The following SAP30BP variants were observed in gnomAD, a reference collection of about 807,000 sequenced individuals.
SAP30BP encodes the protein SAP30 binding protein.
Under a neutral mutation model 46.3 loss-of-function variants are expected in SAP30BP, and 31 were observed. That is an observed-to-expected ratio of 0.67 (90% confidence interval 0.50 to 0.90). The LOEUF is 0.90. Ranked by LOEUF, SAP30BP falls within the 40% of genes least tolerant of loss-of-function variation. The pLI, the probability that SAP30BP is intolerant of heterozygous loss-of-function variation, is 0.00. For synonymous variants in SAP30BP, 169 were observed against 144.2 expected (o/e 1.17, Z -1.23); for missense variants, 312 against 391.0 (o/e 0.80, Z 1.70).
rs754296844 is a variant in SAP30BP at position 75,706,332 on chromosome 17, A to G, written c.746-8A>G. On this transcript the variant is annotated splice_region_variant and splice_polypyrimidine_tract_variant and intron_variant, in intron 10 of 10. Transcript: ENST00000584667. The surrounding 1 kb of genome is among the most constrained non-coding windows in gnomAD (Gnocchi z 4.6). ...GGATCGTGATCCTGATTTCTGCTTT[A>G]TCTCCAGATGCTCAGAAGAGAAAGA... is the stretch of plus-strand genomic sequence containing the variant. 9.3e-6 allele frequency: 15 copies of G among 1,611,476 alleles called. No individual in the cohort carries two copies. The highest frequency in any genetic ancestry group is 1.3e-5 in the Non-Finnish European group (15 of 1,179,246).
chr17:75,686,642 G>A (rs191074973), intron 3 of SAP30BP, among the ~76,000 whole-genome samples: 48 of 152,294 alleles, frequency 3.2e-4, no homozygotes, highest in African/African-American at 1.1e-3. Flanking sequence ...ACCAACTTCC[G>A]CCCATTTTTC....
chr17:75,703,507 T>C (rs2060446593), intron 7 of SAP30BP, 136 bp downstream of exon 7: 1 of 740,648 alleles, frequency 1.4e-6, no homozygotes, highest in African/African-American at 1.8e-5. Flanking sequence ...CTGTCTCTTT[T>C]GTTTGAGTCC....
rs2060508040 is a variant in SAP30BP, at chr17:75,707,077, C to T, written c.*556C>T. On this transcript the variant is annotated 3_prime_UTR_variant, in exon 11 of 11. Coordinates refer to ENST00000584667, the MANE Select transcript of SAP30BP (RefSeq NM_013260.8). ...CCCTTGAGTGCACTTGAGCACTCCC[C>T]AGACCAGATCACTTTTTGGACACAC... 6.3e-6 allele frequency: 1 copy of T among 158,536 alleles called. No individual in the cohort carries two copies. The highest frequency in any genetic ancestry group is 1.4e-5 in the Non-Finnish European group (1 of 71,394). 9.8% of individuals were successfully genotyped at this position (158,536 alleles called of 1,614,324 possible).
intron 3 of SAP30BP, among the ~76,000 whole-genome samples, chr17:75,686,243 C>T (rs1428474956): frequency 3.9e-5 from 6 of 151,932 alleles, no homozygotes; most frequent in Non-Finnish European, 8.8e-5. Flanking sequence ...TGGGGCCGGG[C>T]GCAGTGGCTC....
In SAP30BP at chr17:75,667,429, G is replaced by A. The variant is rs759470868; in HGVS notation, c.57G>A (p.Glu19=). The A allele has an allele frequency of 3.3e-5, 53 of 1,614,100 alleles. No homozygotes were observed. Among genetic ancestry groups the A allele is most frequent in the Non-Finnish European group, 4.1e-5 (48 of 1,180,044 alleles). ...SSLAVYAEDS[E]PESDGEAGIE... ...TCGCAGTTTACGCGGAAGATTCAGA[G>A]CCCGAGTCTGATGGCGAGGCTGGAA... is the stretch of plus-strand genomic sequence containing the variant. Residue 19 remains glutamate, a synonymous_variant, in exon 1 of 11, where the codon GAG becomes GAA. Transcript: ENST00000584667.
chr17:75,683,519 AG>A (rs1412592315), intron 3 of SAP30BP: 2 of 152,198 alleles, frequency 1.3e-5, no homozygotes, highest in African/African-American at 4.8e-5. Flanking sequence ...AGTTAAATCC[AG>A]AAATAAGCAC....
chr17:75,677,493 C>T (rs927932176), intron 3 of SAP30BP, among the ~76,000 whole-genome samples: 1 of 142,538 alleles, frequency 7.0e-6, no homozygotes, highest in Admixed American at 7.4e-5. Context: ...AGTGCAGTGG[C>T]GCAATCTCAG....
At chr17:75,681,899 C>T (rs2060081347) in intron 3 of SAP30BP, among the ~76,000 whole-genome samples, 1 of 152,058 alleles carries the variant, frequency 6.6e-6, no homozygotes, top group African/African-American at 2.4e-5. Flanking sequence ...GAGATAGGAG[C>T]CCCGAGTCCT....
chr17:75,690,965 A>G (rs1229973572), intron 3 of SAP30BP, among the ~76,000 whole-genome samples: 1 of 152,136 alleles, frequency 6.6e-6, no homozygotes, highest in African/African-American at 2.4e-5. Context: ...AGGCTACTTC[A>G]TGCATTTGGT....
chr17:75,672,147 T>C lies in SAP30BP; in HGVS notation c.264+284T>C, dbSNP rs541341054. The C allele has an allele frequency of 4.2e-4, 178 of 426,654 alleles. No individual in the cohort carries two copies. In the Middle Eastern group the frequency reaches 5.5e-3, roughly 13 times the overall value. The allele number at this position is 426,654 out of a possible 1,614,324, so 26.4% of individuals were successfully genotyped here. On this transcript the variant is annotated intron_variant, in intron 3 of 10. Transcript: ENST00000584667. ...GCCAACAACCCACTTGCATTCTGCA[T>C]CCCAGATGGGGCTTTAAGTGTCACT...
intron 3 of SAP30BP, chr17:75,672,265 C>G (rs1182665527): frequency 1.0e-5 from 2 of 198,604 alleles, no homozygotes; most frequent in Admixed American, 1.0e-4. Context: ...TAGAAGTGAA[C>G]AAGAGGCTAT....
chr17:75,680,047 C>T (rs1425409685), intron 3 of SAP30BP: 1 of 152,230 alleles, frequency 6.6e-6, no homozygotes, highest in African/African-American at 2.4e-5. Flanking sequence ...ACACACCCTT[C>T]CTTTGAAAAC....
At chr17:75,701,703 A>T (rs745579466) in intron 5 of SAP30BP, among the ~76,000 whole-genome samples, 1 of 152,218 alleles carries the variant, frequency 6.6e-6, no homozygotes, top group Non-Finnish European at 1.5e-5. Context: ...TTAAAAGGAC[A>T]TAGCCCTTCC....
chr17:75,704,837 G>C, intron 9 of SAP30BP, 23 bp downstream of exon 9: 1 of 1,596,936 alleles, frequency 6.3e-7, no homozygotes, highest in African/African-American at 1.3e-5. Context: ...AGACCTCCTA[G>C]ATGAAAAAGG....
chr17:75,672,219 G>A (rs112234339), intron 3 of SAP30BP: 21 of 256,248 alleles, frequency 8.2e-5, no homozygotes, highest in African/African-American at 3.5e-4. Context: ...AAGGTGTAAG[G>A]GCCGCCTCGC....
At chr17:75,673,251 A>G (rs1231711954) in intron 3 of SAP30BP, among the ~76,000 whole-genome samples, 1 of 152,180 alleles carries the variant, frequency 6.6e-6, no homozygotes, top group East Asian at 1.9e-4. Context: ...AAAACTGTAA[A>G]TGCAACCTGC....
chr17:75,672,019 C>G (rs2059914940), intron 3 of SAP30BP, 156 bp downstream of exon 3: 1 of 673,382 alleles, frequency 1.5e-6, no homozygotes, highest in African/African-American at 1.8e-5. Flanking sequence ...AAGAAAGAAC[C>G]TGGAGACAAC....
At position 75,707,722 on chromosome 17, in the gene SAP30BP, G is replaced by C. The variant is rs977990200; in HGVS notation, c.*1201G>C. The C allele has an allele frequency of 6.6e-6, 1 of 152,378 alleles. No individual in the cohort carries two copies. Among genetic ancestry groups the C allele is most frequent in the Admixed American group, 6.5e-5 (1 of 15,274 alleles). The allele number at this position is 152,378 out of a possible 1,614,324, so 9.4% of individuals were successfully genotyped here. Reference sequence around the variant, plus strand: ...GGAGGTCAGTTCTCACCCCTTCCTCGATGGGGCTTTAAAGCTCTGGGGAGA... The same window carrying C: ...GGAGGTCAGTTCTCACCCCTTCCTCCATGGGGCTTTAAAGCTCTGGGGAGA... On this transcript the variant is annotated 3_prime_UTR_variant, in exon 11 of 11. Transcript: ENST00000584667.
At chr17:75,668,041 C>T (rs1201151244) in intron 1 of SAP30BP, 1 of 159,110 alleles carries the variant, frequency 6.3e-6, no homozygotes, top group Non-Finnish European at 1.4e-5. Flanking sequence ...TGATGTTCTC[C>T]TCCTCAGGTT....
Sources: allele counts gnomAD v4.1 joint callset (sites outside exome capture counted in the v4.1 genomes callset), GRCh38; gene constraint gnomAD v4.1.1; non-coding constraint Gnocchi (gnomAD v3.1); transcripts MANE v1.5; gene names NCBI Gene and HGNC (gene_info 2026-07-23, HGNC 2026-07-21).